The following PARP4 variants were observed in gnomAD, a reference collection of about 807,000 sequenced individuals.
The protein encoded by PARP4 is poly(ADP-ribose) polymerase family member 4.
PARP4 carries 120 observed loss-of-function variants against 187.7 expected under a neutral mutation model. The ratio of observed to expected loss-of-function variants is 0.64; its 90% CI spans 0.55 to 0.74. The LOEUF (loss-of-function observed/expected upper bound fraction) is 0.74. Ranked by LOEUF, PARP4 falls within the 30% of genes least tolerant of loss-of-function variation. The pLI, the probability that PARP4 is intolerant of heterozygous loss-of-function variation, is 0.00. For synonymous variants in PARP4, 654 were observed against 740.9 expected, an observed-to-expected ratio of 0.88 and a Z score of 1.90; for missense variants, 1,836 against 2,070.5, an observed-to-expected ratio of 0.89 and a Z score of 2.20.
At chr13:24,446,798 T>G (rs1291050450) in intron 26 of PARP4, 37 bp from the exon 27 acceptor site, 2 of 1,415,100 alleles carry the variant, frequency 1.4e-6, no homozygotes, top group Admixed American at 1.7e-5. Context: ...TCATTAGCCT[T>G]TCCACTCTGC....
At chr13:24,424,360 T>C (rs1417914320) in intron 33 of PARP4, among the ~76,000 whole-genome samples, 1 of 151,612 alleles carries the variant, frequency 6.6e-6, no homozygotes. Context: ...CTCCTCAACC[T>C]TTTTTTTCTA....
chr13:24,452,330 T>C, intron 24 of PARP4, 76 bp downstream of exon 24: 1 of 1,216,354 alleles, frequency 8.2e-7, no homozygotes, highest in Non-Finnish European at 1.2e-6. Flanking sequence ...CTTCCAAGCT[T>C]GCCAAAGTCC....
intron 5 of PARP4, among the ~76,000 whole-genome samples, chr13:24,498,478 A>G (rs1204710859): frequency 6.6e-6 from 1 of 152,204 alleles, no homozygotes; most frequent in Non-Finnish European, 1.5e-5. Flanking sequence ...TGTTTATACC[A>G]TACCACTTTT....
chr13:24,483,190 TA>T (rs1171785168), intron 12 of PARP4, among the ~76,000 whole-genome samples: 1 of 152,090 alleles, frequency 6.6e-6, no homozygotes, highest in Non-Finnish European at 1.5e-5. Context: ...TGGCTAATTT[TA>T]AAAAGTTTTT....
At chr13:24,492,710 G>C in intron 8 of PARP4, 116 bp from the exon 9 acceptor site, 2 of 827,638 alleles carry the variant, frequency 2.4e-6, no homozygotes, top group Non-Finnish European at 3.7e-6. Context: ...TTTTCTACTG[G>C]AGAGCCTTCA....
At chr13:24,439,935 A>G (rs1198478838) in intron 30 of PARP4, among the ~76,000 whole-genome samples, 5 of 152,178 alleles carry the variant, frequency 3.3e-5, no homozygotes, top group Non-Finnish European at 7.3e-5. Context: ...GGAGCCCACG[A>G]TGTTGCCAAC....
At position 24,506,881 on chromosome 13, in the gene PARP4, C is replaced by T. The variant is rs555153625; in HGVS notation, c.-1-3104G>A. On this transcript the variant is annotated intron_variant, in intron 1 of 33. Transcript: ENST00000381989. ...GCCGGCCGCGCTCCTGCGGGACGCTCGTGCTGCGCAGGAGCCAACTGAGGC... is the reference window on the plus strand; with the variant it reads ...GCCGGCCGCGCTCCTGCGGGACGCTTGTGCTGCGCAGGAGCCAACTGAGGC... Among the ~76,000 whole-genome samples, 605 of 152,310 alleles carry T rather than the reference C, an allele frequency of 4.0e-3. 6 individuals carry two copies. Among genetic ancestry groups the T allele is most frequent in the Non-Finnish European group, 6.8e-3 (460 of 68,018 alleles).
In PARP4 at chr13:24,493,763, A is replaced by G. The variant is rs1340110997; in HGVS notation, c.742-30T>C. ...AATAATAAAATAGAAATGCCACCAA[A>G]AAGTCATCATGTGTGAGTTTGTGTA... On this transcript the variant is annotated intron_variant, in intron 7 of 33. Coordinates refer to ENST00000381989, the MANE Select transcript of PARP4 (RefSeq NM_006437.4). 4 of 1,610,860 alleles carry G rather than the reference A, an allele frequency of 2.5e-6. No individual in the cohort carries two copies. The African/African-American group carries it at 5.3e-5, about 22-fold the overall frequency.
rs557318850 is a variant in PARP4, at chr13:24,434,507, T to G, written c.4634A>C (p.Lys1545Thr). 1.2e-6 allele frequency: 2 copies of G among 1,613,962 alleles called. No homozygotes were observed. Among genetic ancestry groups the G allele is most frequent in the Non-Finnish European group, 8.5e-7 (1 of 1,179,818 alleles). Residue 1545 changes from lysine to threonine, a missense_variant, in exon 31 of 34, where the codon AAA becomes ACA. Physicochemically the swap from Lys to Thr is moderately conservative, Grantham distance 78 (BLOSUM62 -1). Transcript: ENST00000381989. Reference protein sequence around the residue: ...SCFLQIKCDTKDDSILCFLEV... With the variant: ...SCFLQIKCDTTDDSILCFLEV... ...CAGAAAGCACAGGATACTGTCATCT[T>G]TTGTATCACATTTTATTTGTAAAAA...
At chr13:24,499,691 G>A (rs1184170614) in intron 4 of PARP4, among the ~76,000 whole-genome samples, 1 of 152,182 alleles carries the variant, frequency 6.6e-6, no homozygotes, top group Non-Finnish European at 1.5e-5. Flanking sequence ...CTGGGGATGG[G>A]CTACTTGTGT....
rs1259047429 is a variant in PARP4, at chr13:24,469,057, G to T, written c.2100C>A (p.Gly700=). The T allele has an allele frequency of 6.2e-7, 1 of 1,613,882 alleles. No individual in the cohort carries two copies. The highest frequency in any genetic ancestry group is 1.7e-5 in the Admixed American group (1 of 60,008). The change falls in exon 17 of 34, where the codon GGC becomes GGA. Residue 700 remains glycine, a synonymous_variant. Coordinates refer to ENST00000381989, the MANE Select transcript of PARP4 (RefSeq NM_006437.4). ...CCTGACTCATCAGGTAAGCGCCATGGCCCTGGGTCACGGCTTCTAGGTACT... is the reference window on the plus strand; with the variant it reads ...CCTGACTCATCAGGTAAGCGCCATGTCCCTGGGTCACGGCTTCTAGGTACT... The part of the protein sequence containing the change: ...QQEYLEAVTQ[G]HGAYLMSQDA...
intron 2 of PARP4, 62 bp downstream of exon 2, chr13:24,503,583 T>A: frequency 6.3e-7 from 1 of 1,574,830 alleles, no homozygotes; most frequent in Non-Finnish European, 8.7e-7. Context: ...CTTCTAACCA[T>A]GACCCTGTTC....
chr13:24,495,474 G>A (rs1868893591), intron 6 of PARP4, among the ~76,000 whole-genome samples: 1 of 152,204 alleles, frequency 6.6e-6, no homozygotes, highest in Admixed American at 6.5e-5. Context: ...CAGTAGACAG[G>A]CAGGAAAGTT....
chr13:24,446,577 C>A, intron 27 of PARP4, 104 bp downstream of exon 27: 1 of 756,680 alleles, frequency 1.3e-6, no homozygotes, highest in African/African-American at 1.8e-5. Context: ...TTCAAAGCTG[C>A]CCTGGGCCGT....
intron 6 of PARP4, 125 bp from the exon 7 acceptor site, chr13:24,494,847 C>G (rs1394139847): frequency 1.0e-5 from 6 of 588,864 alleles, no homozygotes; most frequent in African/African-American, 2.0e-5. Flanking sequence ...CAAAGAATTA[C>G]TTAAATTTTA....
chr13:24,508,152 AGTC>A (rs1869809593), intron 1 of PARP4, among the ~76,000 whole-genome samples: 1 of 152,010 alleles, frequency 6.6e-6, no homozygotes, highest in Admixed American at 6.6e-5. Context: ...AATCTATGCT[AGTC>A]GTAATCTCTG....
At position 24,492,603 on chromosome 13, in the gene PARP4, A is replaced by C. The variant is rs775642873; in HGVS notation, c.880-9T>G. On this transcript the variant is annotated splice_polypyrimidine_tract_variant and intron_variant, in intron 8 of 33. Transcript: ENST00000381989. ...CCCTCTGCCTTGCTCACCTTTCAAC[A>C]GATCATATATGCTTATTACAATGAA... The C allele has an allele frequency of 6.2e-7, 1 of 1,606,202 alleles. No individual in the cohort carries two copies.
Position 24,490,786 on chromosome 13 carries a change from T to C in PARP4, c.1096A>G (p.Lys366Glu). The C allele has an allele frequency of 1.2e-6, 2 of 1,614,200 alleles. No homozygotes were observed. The highest frequency in any genetic ancestry group is 1.7e-6 in the Non-Finnish European group (2 of 1,180,002). ...TTGGCCAGGGATGGTGGGTTGGGTT[T>C]GGACAAATTAGTTTCACAGACATTA... ...MVNVCETNLSKPNPPSLAKYR... is the reference protein window; with the variant it reads ...MVNVCETNLSEPNPPSLAKYR... The change falls in exon 10 of 34, where the codon AAA (lysine) becomes GAA (glutamate). Residue 366 changes from lysine to glutamate, a missense_variant. Coordinates refer to ENST00000381989, the MANE Select transcript of PARP4 (RefSeq NM_006437.4).
intron 30 of PARP4, among the ~76,000 whole-genome samples, chr13:24,441,595 T>C (rs569165611): frequency 6.6e-6 from 1 of 152,398 alleles, no homozygotes; most frequent in Non-Finnish European, 1.5e-5. Context: ...TGACAATCTA[T>C]TTGCCCATGA....
Sources: allele counts gnomAD v4.1 joint callset (sites outside exome capture counted in the v4.1 genomes callset), GRCh38; gene constraint gnomAD v4.1.1; transcripts MANE v1.5; gene names NCBI Gene and HGNC (gene_info 2026-07-23, HGNC 2026-07-21).